Variants in CNGB3 observed in about 807,000 individuals in gnomAD.
CNGB3 encodes cyclic nucleotide gated channel subunit beta 3.
In CNGB3, 86 loss-of-function variants were observed where a neutral mutation model predicts 92.8. The ratio of observed to expected loss-of-function variants is 0.93; its 90% CI spans 0.78 to 1.11. The LOEUF (loss-of-function observed/expected upper bound fraction) is 1.11. CNGB3 is among the 50% of genes least tolerant of loss of function. CNGB3 has a pLI of 0.00. For synonymous variants in CNGB3, 333 were observed against 332.7 expected (o/e 1.00, Z -0.01); for missense variants, 1,026 against 956.8 (o/e 1.07, Z -0.95).
intron 4 of CNGB3, among the ~76,000 whole-genome samples, chr8:86,668,517 G>A (rs904614380): frequency 1.3e-5 from 2 of 151,886 alleles, no homozygotes; most frequent in South Asian, 2.1e-4. Flanking sequence ...TCTTAAAGTC[G>A]GAACGTTTAT....
chr8:86,647,873 T>A lies in CNGB3; in HGVS notation c.918A>T (p.Ser306=). The A allele has an allele frequency of 6.3e-7, 1 of 1,592,234 alleles. No homozygotes were observed. The highest frequency in any genetic ancestry group is 8.6e-7 in the Non-Finnish European group (1 of 1,160,994). ...GGTAGCAAATATCAAATGGTATTATTGATGCGACATCCAACTGTTGAAAGA... is the reference window on the plus strand; with the variant it reads ...GGTAGCAAATATCAAATGGTATTATAGATGCGACATCCAACTGTTGAAAGA... ...TSTKFQLDVA[S]IIPFDICYLF... The change falls in exon 8 of 18, where the codon TCA becomes TCT. Residue 306 remains serine (S), a synonymous_variant. Transcript: ENST00000320005.
At position 86,574,521 on chromosome 8, in the gene CNGB3, T is replaced by C. The variant is rs1821622808; in HGVS notation, c.*1283A>G. ...TGACTCTATCAAATGATGCAGTTTA[T>C]TATAGTGATTGATTTGTACATGGTT... is the stretch of plus-strand genomic sequence containing the variant. On this transcript the variant is annotated 3_prime_UTR_variant, in exon 18 of 18. Transcript: ENST00000320005. 6.6e-6 allele frequency: 1 copy of C among 152,224 alleles called. No individual in the cohort carries two copies. The highest frequency in any genetic ancestry group is 1.5e-5 in the Non-Finnish European group (1 of 68,042). The allele number at this position is 152,224 out of a possible 1,614,324, so 9.4% of individuals were successfully genotyped here.
At chr8:86,644,504 C>G in intron 9 of CNGB3, 118 bp downstream of exon 9, 1 of 1,352,322 alleles carries the variant, frequency 7.4e-7, no homozygotes. Flanking sequence ...TTTATATAGC[C>G]AAAGCTGAAA....
At chr8:86,704,225 A>G (rs1824611066) in intron 3 of CNGB3, 1 of 152,260 alleles carries the variant, frequency 6.6e-6, no homozygotes, top group Admixed American at 6.5e-5. Context: ...TATATTTACT[A>G]TTGCCTAAGT....
At chr8:86,693,752 A>G (rs1005896025) in intron 3 of CNGB3, among the ~76,000 whole-genome samples, 35 of 151,794 alleles carry the variant, frequency 2.3e-4, no homozygotes, top group African/African-American at 7.7e-4. Flanking sequence ...CAGAGAGCAC[A>G]GGGTTGGGGG....
chr8:86,579,462 T>G (rs1821720618), intron 15 of CNGB3, among the ~76,000 whole-genome samples: 1 of 152,248 alleles, frequency 6.6e-6, no homozygotes, highest in Admixed American at 6.5e-5. Context: ...CTCTCACCTC[T>G]AAGTCCCACA....
At chr8:86,593,773 C>T in intron 15 of CNGB3, 1 of 1,325,464 alleles carries the variant, frequency 7.5e-7, no homozygotes. Flanking sequence ...CAGGGCAGTA[C>T]TTATCAATGA....
At chr8:86,686,310 A>G (rs963554410) in intron 3 of CNGB3, among the ~76,000 whole-genome samples, 7 of 151,750 alleles carry the variant, frequency 4.6e-5, no homozygotes, top group Non-Finnish European at 7.4e-5. Flanking sequence ...GGCATGGTTA[A>G]TGGAGCTCAC....
chr8:86,668,192 T>C, intron 4 of CNGB3, 24 bp from the exon 5 acceptor site: 2 of 1,598,668 alleles, frequency 1.3e-6, no homozygotes, highest in Non-Finnish European at 1.7e-6. Flanking sequence ...AAAAAAAAGA[T>C]GAAACATTTG....
chr8:86,628,347 C>T (rs1484224268), intron 12 of CNGB3, among the ~76,000 whole-genome samples: 2 of 152,126 alleles, frequency 1.3e-5, no homozygotes, highest in African/African-American at 4.8e-5. Context: ...TCCCAAAATG[C>T]TGAGATTACA....
intron 10 of CNGB3, among the ~76,000 whole-genome samples, chr8:86,634,792 G>A (rs1429891177): frequency 6.6e-6 from 1 of 151,174 alleles, no homozygotes; most frequent in Non-Finnish European, 1.5e-5. Context: ...TTTGAACAAG[G>A]GTGGTCTTTT....
chr8:86,705,469 C>T (rs922903181), intron 3 of CNGB3, among the ~76,000 whole-genome samples: 4 of 152,048 alleles, frequency 2.6e-5, no homozygotes, highest in South Asian at 2.1e-4. Context: ...TGTTACATTA[C>T]ATGGCAAAAG....
intron 2 of CNGB3, among the ~76,000 whole-genome samples, chr8:86,729,251 C>G (rs182209390): frequency 6.6e-6 from 1 of 152,264 alleles, no homozygotes; most frequent in African/African-American, 2.4e-5. Context: ...TATACCTCCT[C>G]CATCTCTCAT....
chr8:86,587,005 T>C (rs1286204324), intron 15 of CNGB3, among the ~76,000 whole-genome samples: 21 of 145,124 alleles, frequency 1.4e-4, no homozygotes, highest in African/African-American at 4.8e-4. Context: ...CCTGTTGTTT[T>C]CTGACTTTTT....
At chr8:86,635,861 T>TATATATATATAC (rs796498363) in intron 10 of CNGB3, among the ~76,000 whole-genome samples, 69 of 66,144 alleles carry the variant, frequency 1.0e-3, no homozygotes, top group Non-Finnish European at 1.4e-3. Flanking sequence ...TATATATATA[T>TATATATATATAC]ATACACATAC....
In CNGB3 at chr8:86,637,894, C is replaced by T. The variant is rs185539218; in HGVS notation, c.1179-5001G>A. Among the ~76,000 whole-genome samples, 630 of 152,232 alleles carry T rather than the reference C, an allele frequency of 4.1e-3. 3 individuals are homozygous for T. Among genetic ancestry groups the T allele is most frequent in the Non-Finnish European group, 6.9e-3 (471 of 67,992 alleles). On this transcript the variant is annotated intron_variant, in intron 10 of 17. Coordinates refer to ENST00000320005, the MANE Select transcript of CNGB3 (RefSeq NM_019098.5). ...TTCCCAGTCAATCCTTACTCAAATG[C>T]GCCAGAGGCAATCACCTGTTCTAAT...
At chr8:86,611,933 C>T (rs976950028) in intron 13 of CNGB3, among the ~76,000 whole-genome samples, 1 of 152,060 alleles carries the variant, frequency 6.6e-6, no homozygotes, top group African/African-American at 2.4e-5. Flanking sequence ...ACCTCTCATC[C>T]TCAGTTTCCT....
At chr8:86,662,938 A>T (rs1361371347) in intron 6 of CNGB3, among the ~76,000 whole-genome samples, 2 of 152,224 alleles carry the variant, frequency 1.3e-5, no homozygotes, top group African/African-American at 4.8e-5. Flanking sequence ...TTGGGGGATG[A>T]AAAAGATTGT....
intron 13 of CNGB3, among the ~76,000 whole-genome samples, chr8:86,625,449 A>G (rs1027726461): frequency 5.3e-5 from 8 of 152,232 alleles, no homozygotes; most frequent in African/African-American, 9.6e-5. Context: ...GCACAAAAAG[A>G]GTAGTAATAC....
Sources: gnomAD v4.1 joint callset for allele counts (sites outside exome capture counted in the v4.1 genomes callset) on GRCh38, gnomAD v4.1.1 for gene constraint, MANE v1.5 for transcripts, NCBI Gene and HGNC (gene_info 2026-07-23, HGNC 2026-07-21) for gene names.